SUGCT: variants seen among roughly 807,000 people sequenced by gnomAD.
SUGCT encodes succinyl-CoA:glutarate-CoA transferase.
A neutral mutation model predicts 55.0 loss-of-function variants in SUGCT; 41 were observed. The ratio of observed to expected loss-of-function variants is 0.74; its 90% CI spans 0.58 to 0.97. The LOEUF (loss-of-function observed/expected upper bound fraction) is 0.97. Ranked by LOEUF, SUGCT falls within the 50% of genes least tolerant of loss-of-function variation. The pLI is 0.00. For missense variants in SUGCT, 568 were observed against 547.8 expected (o/e 1.04, Z -0.37); for synonymous variants, 187 against 200.4 (o/e 0.93, Z 0.56).
chr7:41,000,816 T>C, the SUGCT span, among the ~76,000 whole-genome samples: 1 of 152,226 alleles, frequency 6.6e-6, no homozygotes, highest in East Asian at 1.9e-4. Context: ...AATGTGCATA[T>C]GGAGAGGCAT....
At chr7:40,317,401 A>G (rs1795498569) in intron 9 of SUGCT, among the ~76,000 whole-genome samples, 1 of 152,222 alleles carries the variant, frequency 6.6e-6, no homozygotes, top group African/African-American at 2.4e-5. Flanking sequence ...ATGTGAAGTA[A>G]CTGTGATCTT....
At chr7:40,929,716 C>T in the SUGCT span, among the ~76,000 whole-genome samples, 1 of 152,194 alleles carries the variant, frequency 6.6e-6, no homozygotes, top group African/African-American at 2.4e-5. Context: ...GCATAAATGT[C>T]TTCTTTTGAG....
intron 13 of SUGCT, among the ~76,000 whole-genome samples, chr7:40,757,524 G>T (rs934748593): frequency 6.6e-6 from 1 of 152,160 alleles, no homozygotes; most frequent in Non-Finnish European, 1.5e-5. Context: ...TTGCAAATCA[G>T]CCCTAAGTTA....
intron 12 of SUGCT, among the ~76,000 whole-genome samples, chr7:40,642,858 A>G (rs1005605698): frequency 2.6e-5 from 4 of 152,146 alleles, no homozygotes; most frequent in Admixed American, 6.5e-5. Context: ...CCAGGGTTAT[A>G]GTGAGGGCAA....
At chr7:40,337,180 A>G (rs980330356) in intron 9 of SUGCT, among the ~76,000 whole-genome samples, 3 of 152,108 alleles carry the variant, frequency 2.0e-5, no homozygotes, top group African/African-American at 7.2e-5. Context: ...TATGTGGTCA[A>G]TTTTGGAATA....
chr7:40,138,111 A>T (rs1159614514), intron 1 of SUGCT, among the ~76,000 whole-genome samples: 2 of 152,204 alleles, frequency 1.3e-5, no homozygotes, highest in East Asian at 3.8e-4. Context: ...CATTGTACCC[A>T]GCAAGCAACC....
At chr7:40,606,019 G>A (rs919418450) in intron 12 of SUGCT, among the ~76,000 whole-genome samples, 4 of 152,196 alleles carry the variant, frequency 2.6e-5, no homozygotes, top group African/African-American at 9.7e-5. Flanking sequence ...AAGGCAAGTC[G>A]TTGAACGACT....
At chr7:40,561,492 A>G (rs917260319) in intron 12 of SUGCT, among the ~76,000 whole-genome samples, 1 of 152,138 alleles carries the variant, frequency 6.6e-6, no homozygotes, top group Admixed American at 6.5e-5. Context: ...GTCAACAGAT[A>G]TATTGAACAT....
At chr7:40,653,806 A>G (rs1356651087) in intron 12 of SUGCT, among the ~76,000 whole-genome samples, 1 of 152,242 alleles carries the variant, frequency 6.6e-6, no homozygotes, top group Non-Finnish European at 1.5e-5. Flanking sequence ...CCATCTATTA[A>G]GTAGCAGAAA....
chr7:40,185,339 T>A (rs1436492266), intron 3 of SUGCT, among the ~76,000 whole-genome samples: 1 of 152,214 alleles, frequency 6.6e-6, no homozygotes, highest in Non-Finnish European at 1.5e-5. Context: ...GCCACCAGGG[T>A]AACATTTGTA....
chr7:40,575,124 G>T (rs532043569), intron 12 of SUGCT, among the ~76,000 whole-genome samples: 3,335 of 143,694 alleles, frequency 0.023, 166 homozygotes, highest in African/African-American at 0.088. Flanking sequence ...GGTGGCGGGG[G>T]TGGGGGTGGA....
chr7:40,595,096 A>G (rs918808658), intron 12 of SUGCT, among the ~76,000 whole-genome samples: 5 of 152,208 alleles, frequency 3.3e-5, no homozygotes, highest in Middle Eastern at 3.2e-3. Flanking sequence ...TAAGAAACCA[A>G]AAAATTTAAA....
the SUGCT span, among the ~76,000 whole-genome samples, chr7:41,010,246 A>C: frequency 6.6e-6 from 1 of 152,246 alleles, no homozygotes; most frequent in East Asian, 1.9e-4. Context: ...AACCTGGCTT[A>C]GATACCAACA....
intron 12 of SUGCT, among the ~76,000 whole-genome samples, chr7:40,664,595 A>G (rs1397225853): frequency 6.6e-6 from 1 of 152,222 alleles, no homozygotes; most frequent in African/African-American, 2.4e-5. Context: ...AAAGTCCTCC[A>G]CTGAATAACT....
intron 12 of SUGCT, among the ~76,000 whole-genome samples, chr7:40,665,370 A>G (rs1801564895): frequency 6.6e-6 from 1 of 152,046 alleles, no homozygotes; most frequent in Admixed American, 6.6e-5. Flanking sequence ...TGAACTCAGG[A>G]GGTGGAGGTT....
intron 7 of SUGCT, among the ~76,000 whole-genome samples, chr7:40,239,975 A>C (rs1443462123): frequency 6.6e-6 from 1 of 152,204 alleles, no homozygotes; most frequent in Non-Finnish European, 1.5e-5. Context: ...TAAGCAGGCA[A>C]CAGGACAGGC....
chr7:40,160,175 A>G (rs1437623110), intron 1 of SUGCT, among the ~76,000 whole-genome samples: 1 of 152,206 alleles, frequency 6.6e-6, no homozygotes, highest in African/African-American at 2.4e-5. Flanking sequence ...CACTGAAAAT[A>G]TGGGTGGTCT....
chr7:40,324,826 T>A (rs11764628), intron 9 of SUGCT, among the ~76,000 whole-genome samples: 105,532 of 152,054 alleles, frequency 0.69, 36,948 homozygotes, highest in East Asian at 0.99. Flanking sequence ...ATTCTTTTTT[T>A]ATGCTCTTTC....
chr7:40,657,175 C>A (rs1243029186), intron 12 of SUGCT, among the ~76,000 whole-genome samples: 2 of 151,818 alleles, frequency 1.3e-5, no homozygotes. Context: ...AGCTATAAAT[C>A]AAATTTCCAT....
Sources: gnomAD v4.1 joint callset for allele counts (sites outside exome capture counted in the v4.1 genomes callset) on GRCh38, gnomAD v4.1.1 for gene constraint, MANE v1.5 for transcripts, NCBI Gene and HGNC (gene_info 2026-07-23, HGNC 2026-07-21) for gene names.